PLCL1: variants seen among roughly 807,000 people sequenced by gnomAD.
PLCL1 encodes the protein inactive phospholipase C-like protein 1.
In PLCL1, 41 loss-of-function variants were observed where a neutral mutation model predicts 84.4. That is an observed-to-expected ratio of 0.49 (90% confidence interval 0.38 to 0.63). PLCL1 has a LOEUF of 0.63. Among genes scored for constraint, PLCL1 ranks in the 30% least tolerant of loss-of-function variants. PLCL1 has a pLI of 0.00. For missense variants in PLCL1, 1,206 were observed against 1,367.8 expected, an observed-to-expected ratio of 0.88 and a Z score of 1.87; for synonymous variants, 490 against 488.3, an observed-to-expected ratio of 1.00 and a Z score of -0.05.
At chr2:197,961,545 C>A (rs1451896154) in intron 1 of PLCL1, among the ~76,000 whole-genome samples, 1 of 151,914 alleles carries the variant, frequency 6.6e-6, no homozygotes, top group African/African-American at 2.4e-5. Context: ...TAGTTTTGTG[C>A]TTCCTATGGT....
At chr2:198,058,697 G>C (rs1692122080) in intron 1 of PLCL1, among the ~76,000 whole-genome samples, 1 of 151,884 alleles carries the variant, frequency 6.6e-6, no homozygotes, top group African/African-American at 2.4e-5. Flanking sequence ...CTAAAAGATA[G>C]CTGTTTTACT....
intron 5 of PLCL1, among the ~76,000 whole-genome samples, chr2:198,123,675 G>A (rs1022219057): frequency 1.1e-4 from 16 of 151,884 alleles, no homozygotes; most frequent in East Asian, 5.8e-4. Flanking sequence ...AGCAAACCTC[G>A]CTCCGTAACC....
At chr2:197,905,195 G>T (rs953013875) in intron 1 of PLCL1, among the ~76,000 whole-genome samples, 4 of 152,090 alleles carry the variant, frequency 2.6e-5, no homozygotes, top group Non-Finnish European at 5.9e-5. Context: ...CGTCATCCAG[G>T]TTTTAAGCCC....
At chr2:198,097,770 T>C (rs960283678) in intron 3 of PLCL1, among the ~76,000 whole-genome samples, 1 of 152,194 alleles carries the variant, frequency 6.6e-6, no homozygotes, top group Non-Finnish European at 1.5e-5. Context: ...GGCTTGCAAA[T>C]GTGATGCATT....
chr2:198,069,501 T>C (rs1324155262), intron 1 of PLCL1, among the ~76,000 whole-genome samples: 1 of 152,090 alleles, frequency 6.6e-6, no homozygotes, highest in Non-Finnish European at 1.5e-5. Context: ...ATAAAAAATA[T>C]GCACTAGAAT....
chr2:197,872,922 A>G (rs1048102961), intron 1 of PLCL1, among the ~76,000 whole-genome samples: 1 of 152,106 alleles, frequency 6.6e-6, no homozygotes, highest in Non-Finnish European at 1.5e-5. Context: ...TCTTACATCT[A>G]TGATCTTATT....
chr2:198,038,206 G>GTA (rs1351894862), intron 1 of PLCL1, among the ~76,000 whole-genome samples: 2 of 152,058 alleles, frequency 1.3e-5, no homozygotes, highest in Non-Finnish European at 2.9e-5. Context: ...AGCAAAGTGT[G>GTA]TACACACACA....
chr2:198,001,169 G>A (rs1245984784), intron 1 of PLCL1, among the ~76,000 whole-genome samples: 1 of 152,168 alleles, frequency 6.6e-6, no homozygotes, highest in Non-Finnish European at 1.5e-5. Context: ...GTATCTGTAA[G>A]TTGGAGATGA....
intron 4 of PLCL1, among the ~76,000 whole-genome samples, chr2:198,102,656 GT>G (rs1437270752): frequency 1.3e-5 from 2 of 152,078 alleles, no homozygotes; most frequent in Non-Finnish European, 2.9e-5. Context: ...TTAAAGAAGA[GT>G]TTCATTGGCA....
intron 1 of PLCL1, among the ~76,000 whole-genome samples, chr2:198,023,252 G>C (rs1574253765): frequency 6.6e-6 from 1 of 152,160 alleles, no homozygotes; most frequent in South Asian, 2.1e-4. Context: ...ATTAACTCAA[G>C]AGGGATTAAA....
chr2:198,013,858 G>A (rs1690927600), intron 1 of PLCL1, among the ~76,000 whole-genome samples: 1 of 152,040 alleles, frequency 6.6e-6, no homozygotes, highest in African/African-American at 2.4e-5. Context: ...ATACTCTGGG[G>A]ATTTGGAATA....
intron 1 of PLCL1, among the ~76,000 whole-genome samples, chr2:197,818,575 C>A (rs756051113): frequency 6.6e-6 from 1 of 152,072 alleles, no homozygotes; most frequent in Non-Finnish European, 1.5e-5. Flanking sequence ...CACTATATTG[C>A]CCAGGTTGAA....
At chr2:198,059,055 A>G (rs899877347) in intron 1 of PLCL1, among the ~76,000 whole-genome samples, 1 of 152,172 alleles carries the variant, frequency 6.6e-6, no homozygotes, top group South Asian at 2.1e-4. Context: ...AGCTGAGTTC[A>G]TATAATTACT....
intron 1 of PLCL1, among the ~76,000 whole-genome samples, chr2:197,819,633 A>C (rs1360556574): frequency 6.6e-6 from 1 of 151,920 alleles, no homozygotes; most frequent in African/African-American, 2.4e-5. Flanking sequence ...GTCTACTATC[A>C]CTCCCATTCT....
intron 1 of PLCL1, among the ~76,000 whole-genome samples, chr2:197,912,124 T>A (rs893565237): frequency 1.3e-5 from 2 of 152,170 alleles, no homozygotes; most frequent in African/African-American, 2.4e-5. Context: ...AAGAAGGTGC[T>A]GTCTGGAATC....
chr2:198,002,202 C>G (rs961202759), intron 1 of PLCL1, among the ~76,000 whole-genome samples: 2 of 152,072 alleles, frequency 1.3e-5, no homozygotes, highest in Non-Finnish European at 2.9e-5. Flanking sequence ...CCTATTGTAC[C>G]CCACAATTTA....
At chr2:197,921,903 C>T (rs185517602) in intron 1 of PLCL1, among the ~76,000 whole-genome samples, 50 of 151,020 alleles carry the variant, frequency 3.3e-4, no homozygotes, top group Admixed American at 9.9e-4. Context: ...TCTATATTTT[C>T]TCCTTTTGTA....
chr2:197,868,579 G>T (rs1203986608), intron 1 of PLCL1, among the ~76,000 whole-genome samples: 1 of 152,014 alleles, frequency 6.6e-6, no homozygotes, highest in East Asian at 1.9e-4. Context: ...TAGCTGACTG[G>T]AGCCTCATCT....
At chr2:197,879,244 TTAATAA>T (rs749064362) in intron 1 of PLCL1, among the ~76,000 whole-genome samples, 48 of 152,230 alleles carry the variant, frequency 3.2e-4, no homozygotes, top group Non-Finnish European at 6.0e-4. Flanking sequence ...GCCTTATTAC[TTAATAA>T]TACATAGATA....
Sources: gnomAD v4.1 joint callset for allele counts (sites outside exome capture counted in the v4.1 genomes callset) on GRCh38, gnomAD v4.1.1 for gene constraint, MANE v1.5 for transcripts, NCBI Gene and HGNC (gene_info 2026-07-23, HGNC 2026-07-21) for gene names.